The following PLD1 variants were observed in gnomAD, a reference collection of about 807,000 sequenced individuals.
PLD1 encodes choline phosphatase 1.
PLD1 carries 112 observed loss-of-function variants against 137.1 expected under a neutral mutation model. That is an observed-to-expected ratio of 0.82 (90% CI 0.70 to 0.96). PLD1 has a LOEUF of 0.96. Among genes scored for constraint, PLD1 ranks in the 40% least tolerant of loss-of-function variants. PLD1 has a pLI of 0.00. For missense variants in PLD1, 1,321 were observed against 1,342.0 expected, an observed-to-expected ratio of 0.98 and a Z score of 0.24; for synonymous variants, 431 against 454.7, an observed-to-expected ratio of 0.95 and a Z score of 0.66.
rs750114166 is a variant in PLD1, at chr3:171,714,044, A to C, written c.760T>G (p.Trp254Gly). 1 of 1,578,626 alleles carries C rather than the reference A, an allele frequency of 6.3e-7. No individual in the cohort carries two copies. Among genetic ancestry groups the C allele is most frequent in the Non-Finnish European group, 8.7e-7 (1 of 1,149,500 alleles). ...GRACYRWSKRWLIVKDSFLLY... is the reference protein window; with the variant it reads ...GRACYRWSKRGLIVKDSFLLY... ...AAAAAGGAATCTTTCACTATTAACC[A>C]TCTGTAAGAAGGTAGTAAGTATTTT... Residue 254 changes from tryptophan (W) to glycine (G), a missense_variant and splice_region_variant, in exon 9 of 27, where the codon TGG becomes GGG. By Grantham distance (184) the Trp-to-Gly change is radical. Coordinates refer to ENST00000351298, the MANE Select transcript of PLD1 (RefSeq NM_002662.5).
intron 10 of PLD1, 92 bp downstream of exon 10, chr3:171,709,466 TCA>T (rs1716970982): frequency 2.9e-6 from 3 of 1,026,820 alleles, no homozygotes; most frequent in Non-Finnish European, 2.9e-6. Context: ...GCATAATCTT[TCA>T]CAGTTTTGAA....
chr3:171,807,686 C>T (rs1002207757), intron 1 of PLD1, among the ~76,000 whole-genome samples: 1 of 152,208 alleles, frequency 6.6e-6, no homozygotes, highest in Non-Finnish European at 1.5e-5. Context: ...GAACTCAAAA[C>T]GGAACTACCA....
intron 23 of PLD1, among the ~76,000 whole-genome samples, chr3:171,639,599 ATAT>A (rs1735510849): frequency 1.2e-5 from 1 of 85,636 alleles, no homozygotes; most frequent in African/African-American, 6.4e-5. Context: ...ATATATATTC[ATAT>A]AATATATATT....
chr3:171,803,104 C>T (rs1723707708), intron 1 of PLD1, among the ~76,000 whole-genome samples: 1 of 152,188 alleles, frequency 6.6e-6, no homozygotes, highest in Admixed American at 6.5e-5. Flanking sequence ...TTTGGAACTA[C>T]TGTGATGGAG....
rs748844311 is a variant in PLD1, at chr3:171,702,779, A to T, written c.1146-2953T>A. Among the ~76,000 whole-genome samples the T allele has an allele frequency of 4.6e-5, 7 of 152,300 alleles. No individual in the cohort carries two copies. In the Middle Eastern group the frequency reaches 0.01, roughly 222 times the overall value. ...ATTAAACATTTACAGAATTTATTAA[A>T]TATTTGAATTTTATCAAATATTTAA... On this transcript the variant is annotated intron_variant, in intron 11 of 26. Transcript: ENST00000351298.
intron 1 of PLD1, among the ~76,000 whole-genome samples, chr3:171,745,977 C>G (rs558371153): frequency 6.6e-6 from 1 of 152,166 alleles, no homozygotes; most frequent in African/African-American, 2.4e-5. Flanking sequence ...AAGTCCCGCA[C>G]TCAGAGCGGC....
intron 13 of PLD1, among the ~76,000 whole-genome samples, chr3:171,691,958 G>C (rs1256889550): frequency 2.0e-5 from 3 of 152,178 alleles, no homozygotes; most frequent in African/African-American, 7.2e-5. Flanking sequence ...TCCTAGAGGA[G>C]ATCTCTTTGC....
chr3:171,760,778 C>A (rs186855043), intron 1 of PLD1, among the ~76,000 whole-genome samples: 172 of 152,294 alleles, frequency 1.1e-3, no homozygotes, highest in African/African-American at 3.8e-3. Context: ...AAGAGAGAAT[C>A]ACATGCATGA....
At chr3:171,773,458 C>T (rs1036245247) in intron 1 of PLD1, among the ~76,000 whole-genome samples, 3 of 152,026 alleles carry the variant, frequency 2.0e-5, no homozygotes, top group Admixed American at 1.3e-4. Flanking sequence ...AAAAATTAGC[C>T]GGGCGTGGAG....
chr3:171,665,506 C>T (rs1367625313), intron 19 of PLD1, among the ~76,000 whole-genome samples: 3 of 152,122 alleles, frequency 2.0e-5, no homozygotes, highest in African/African-American at 7.2e-5. Flanking sequence ...TCAAGACCAG[C>T]CTGGCCAACA....
intron 8 of PLD1, among the ~76,000 whole-genome samples, chr3:171,717,435 T>G (rs1338452431): frequency 6.6e-6 from 1 of 152,224 alleles, no homozygotes; most frequent in African/African-American, 2.4e-5. Flanking sequence ...CCTAGTCAGC[T>G]GAATTCCTAG....
At chr3:171,766,629 T>C (rs1009494467) in intron 1 of PLD1, among the ~76,000 whole-genome samples, 3 of 152,204 alleles carry the variant, frequency 2.0e-5, no homozygotes, top group Admixed American at 2.0e-4. Flanking sequence ...TACTTTATGT[T>C]TTTATTATTT....
chr3:171,798,975 C>A (rs938979189), intron 1 of PLD1, among the ~76,000 whole-genome samples: 2 of 152,194 alleles, frequency 1.3e-5, no homozygotes, highest in African/African-American at 4.8e-5. Flanking sequence ...GATTTGGGGG[C>A]ATCATTCTGG....
intron 1 of PLD1, among the ~76,000 whole-genome samples, chr3:171,758,553 A>C (rs41273597): frequency 6.6e-6 from 1 of 152,104 alleles, no homozygotes; most frequent in Non-Finnish European, 1.5e-5. Flanking sequence ...GAAATGCAAA[A>C]CCTTGGCCAC....
chr3:171,808,542 T>TAAG (rs751624225), intron 1 of PLD1, among the ~76,000 whole-genome samples: 1 of 150,492 alleles, frequency 6.6e-6, no homozygotes, highest in Non-Finnish European at 1.5e-5. Flanking sequence ...TCTCAAAAAA[T>TAAG]AATAATAATA....
intron 12 of PLD1, among the ~76,000 whole-genome samples, chr3:171,699,314 C>T (rs1716041168): frequency 6.6e-6 from 1 of 152,178 alleles, no homozygotes; most frequent in Non-Finnish European, 1.5e-5. Flanking sequence ...CTATTCCTCC[C>T]CCTTTAATAT....
intron 15 of PLD1, 117 bp downstream of exon 15, chr3:171,687,254 A>G (rs1714661378): frequency 6.2e-6 from 5 of 808,072 alleles, no homozygotes; most frequent in Non-Finnish European, 1.0e-5. Context: ...GCGACCTCTC[A>G]ACATTGCTCA....
chr3:171,700,334 ACTCTCT>A (rs55951070), intron 11 of PLD1, among the ~76,000 whole-genome samples: 6 of 111,576 alleles, frequency 5.4e-5, no homozygotes, highest in African/African-American at 1.9e-4. Context: ...ACACACACAC[ACTCTCT>A]CTCTCTCTCT....
intron 16 of PLD1, chr3:171,677,903 C>T (rs1713555433): frequency 4.7e-6 from 2 of 424,774 alleles, no homozygotes; most frequent in South Asian, 4.5e-5. Flanking sequence ...AGGGCTACAA[C>T]AAGATTCATC....
Sources: gnomAD v4.1 joint callset for allele counts (sites outside exome capture counted in the v4.1 genomes callset) on GRCh38, gnomAD v4.1.1 for gene constraint, MANE v1.5 for transcripts, NCBI Gene and HGNC (gene_info 2026-07-23, HGNC 2026-07-21) for gene names.